Variants in RIMS2 observed in about 807,000 individuals in gnomAD.
RIMS2 encodes the protein regulating synaptic membrane exocytosis 2, also known as regulating synaptic membrane exocytosis protein 2.
Under a neutral mutation model 174.4 loss-of-function variants are expected in RIMS2, and 59 were observed. The ratio of observed to expected loss-of-function variants is 0.34; its 90% CI spans 0.27 to 0.42. The LOEUF (loss-of-function observed/expected upper bound fraction) is 0.42. RIMS2 is among the 10% of genes least tolerant of loss of function. RIMS2 has a pLI of 1.00. For synonymous variants in RIMS2, 606 were observed against 572.5 expected (o/e 1.06, Z -0.84); for missense variants, 1,620 against 1,666.3 (o/e 0.97, Z 0.48).
intron 19 of RIMS2, among the ~76,000 whole-genome samples, chr8:104,140,242 T>A (rs1362622029): frequency 1.3e-5 from 2 of 152,172 alleles, no homozygotes; most frequent in Non-Finnish European, 2.9e-5. Context: ...TTCTCTTGAA[T>A]ATTTTTCTCT....
chr8:103,505,898 G>A (rs1024867786), intron 1 of RIMS2, among the ~76,000 whole-genome samples: 2 of 152,078 alleles, frequency 1.3e-5, no homozygotes, highest in Non-Finnish European at 1.5e-5. Flanking sequence ...GTAATTTTTA[G>A]TGATTTGTGG....
chr8:103,582,486 G>A (rs957264147), intron 1 of RIMS2, among the ~76,000 whole-genome samples: 2 of 152,080 alleles, frequency 1.3e-5, no homozygotes, highest in Non-Finnish European at 2.9e-5. Context: ...GAGGGCTCTT[G>A]GGGTCCCCAA....
chr8:104,213,740 G>GATA (rs1425185904), intron 19 of RIMS2, among the ~76,000 whole-genome samples: 2 of 151,970 alleles, frequency 1.3e-5, no homozygotes, highest in African/African-American at 4.8e-5. Context: ...AGTTGGGCGT[G>GATA]GTGGCACGCG....
chr8:103,725,932 G>A (rs913932974), intron 2 of RIMS2, among the ~76,000 whole-genome samples: 2 of 152,060 alleles, frequency 1.3e-5, no homozygotes, highest in African/African-American at 4.8e-5. Context: ...AGCATTATTC[G>A]TGTTTTTCGG....
intron 3 of RIMS2, among the ~76,000 whole-genome samples, chr8:103,875,828 A>C (rs1036509963): frequency 2.6e-5 from 4 of 151,946 alleles, no homozygotes; most frequent in Non-Finnish European, 5.9e-5. Flanking sequence ...ATGGTATCTC[A>C]CTGTGATTTT....
At chr8:103,970,391 A>G (rs950363435) in intron 15 of RIMS2, among the ~76,000 whole-genome samples, 2 of 152,192 alleles carry the variant, frequency 1.3e-5, no homozygotes, top group Non-Finnish European at 2.9e-5. Context: ...CCTGAGGGAA[A>G]GTCTTGTTAA....
chr8:103,640,948 A>C (rs2096216544), intron 1 of RIMS2, among the ~76,000 whole-genome samples: 1 of 152,148 alleles, frequency 6.6e-6, no homozygotes, highest in Non-Finnish European at 1.5e-5. Flanking sequence ...ATAGCTGTGT[A>C]AAGAGCATCT....
At chr8:104,058,860 C>T (rs2096923240) in intron 19 of RIMS2, among the ~76,000 whole-genome samples, 2 of 152,058 alleles carry the variant, frequency 1.3e-5, no homozygotes, top group Non-Finnish European at 2.9e-5. Context: ...CTCAGGTTTG[C>T]CAAAGATCAG....
At chr8:104,189,493 G>A (rs1461409083) in intron 19 of RIMS2, among the ~76,000 whole-genome samples, 1 of 151,352 alleles carries the variant, frequency 6.6e-6, no homozygotes, top group East Asian at 1.9e-4. Context: ...CCAAAAGAGT[G>A]AAATCACCAA....
intron 3 of RIMS2, among the ~76,000 whole-genome samples, chr8:103,801,691 AC>A (rs1469723411): frequency 6.6e-6 from 1 of 152,172 alleles, no homozygotes; most frequent in Non-Finnish European, 1.5e-5. Context: ...ATTGTCATTC[AC>A]CTTTACCTTG....
At chr8:103,935,653 C>T (rs1330032536) in intron 12 of RIMS2, among the ~76,000 whole-genome samples, 2 of 151,996 alleles carry the variant, frequency 1.3e-5, no homozygotes, top group Non-Finnish European at 2.9e-5. Flanking sequence ...ATTGTATTTC[C>T]TAGAAAATTG....
At chr8:103,689,638 G>A (rs1193882760) in intron 1 of RIMS2, among the ~76,000 whole-genome samples, 1 of 151,628 alleles carries the variant, frequency 6.6e-6, no homozygotes, top group Non-Finnish European at 1.5e-5. Flanking sequence ...TATAATTTTT[G>A]TCTTGAAATC....
chr8:103,574,488 T>C (rs1376690729), intron 1 of RIMS2, among the ~76,000 whole-genome samples: 2 of 152,218 alleles, frequency 1.3e-5, no homozygotes, highest in Non-Finnish European at 2.9e-5. Context: ...TTTTTAGAGA[T>C]TACTTCGTCT....
chr8:104,005,759 G>A (rs890111895), intron 17 of RIMS2, among the ~76,000 whole-genome samples: 1 of 152,076 alleles, frequency 6.6e-6, no homozygotes, highest in Non-Finnish European at 1.5e-5. Flanking sequence ...GGTTTGACCT[G>A]TGTCCAGATT....
chr8:103,752,279 C>T (rs559860036), intron 2 of RIMS2, among the ~76,000 whole-genome samples: 26 of 152,192 alleles, frequency 1.7e-4, no homozygotes, highest in African/African-American at 6.3e-4. Flanking sequence ...AGCGTTATTT[C>T]TGAGGGCTCT....
chr8:103,627,976 A>T (rs1267653965), intron 1 of RIMS2, among the ~76,000 whole-genome samples: 1 of 152,178 alleles, frequency 6.6e-6, no homozygotes, highest in Non-Finnish European at 1.5e-5. Context: ...CTCTTCATGG[A>T]TTCAGGCTCT....
At chr8:103,859,122 C>G (rs2099044446) in intron 3 of RIMS2, among the ~76,000 whole-genome samples, 1 of 152,012 alleles carries the variant, frequency 6.6e-6, no homozygotes, top group African/African-American at 2.4e-5. Context: ...CTAATGTGGG[C>G]AAGAAAGCAT....
chr8:103,938,193 T>G (rs1219133474), intron 13 of RIMS2, among the ~76,000 whole-genome samples: 1 of 152,150 alleles, frequency 6.6e-6, no homozygotes, highest in East Asian at 1.9e-4. Flanking sequence ...GTTACTCACT[T>G]TCAGCTTTTT....
chr8:104,218,624 A>G (rs946087701), intron 19 of RIMS2, among the ~76,000 whole-genome samples: 2 of 152,126 alleles, frequency 1.3e-5, no homozygotes, highest in African/African-American at 4.8e-5. Flanking sequence ...AGACAGTCCT[A>G]TCTCGGGGTG....
Sources: gnomAD v4.1 joint callset for allele counts (sites outside exome capture counted in the v4.1 genomes callset) on GRCh38, gnomAD v4.1.1 for gene constraint, MANE v1.5 for transcripts, NCBI Gene and HGNC (gene_info 2026-07-23, HGNC 2026-07-21) for gene names.